The following PON2 variants were observed in gnomAD, a reference collection of about 807,000 sequenced individuals.
PON2 encodes the protein serum paraoxonase/arylesterase 2.
A neutral mutation model predicts 36.6 loss-of-function variants in PON2; 27 were observed. That is an observed-to-expected ratio of 0.74 (90% CI 0.54 to 1.02). The LOEUF (loss-of-function observed/expected upper bound fraction) is 1.02. PON2 is among the 50% of genes least tolerant of loss of function. The pLI is 0.00. For synonymous variants in PON2, 149 were observed against 156.3 expected (o/e 0.95, Z 0.35); for missense variants, 363 against 421.1 (o/e 0.86, Z 1.21).
At chr7:95,408,742 G>A (rs894373588) in intron 6 of PON2, among the ~76,000 whole-genome samples, 7 of 152,170 alleles carry the variant, frequency 4.6e-5, no homozygotes, top group African/African-American at 1.7e-4. Context: ...TCAGTGTGCT[G>A]AGGCAGTAGA....
chr7:95,434,870 C>T lies in PON2; in HGVS notation c.74+8G>A. 6.5e-7 allele frequency: 1 copy of T among 1,539,826 alleles called. No individual in the cohort carries two copies. The highest frequency in any genetic ancestry group is 8.7e-7 in the Non-Finnish European group (1 of 1,145,030). On this transcript the variant is annotated splice_region_variant and intron_variant, in intron 1 of 8. Transcript: ENST00000222572. ...CGCCGAGGAGGGGCGCGCGGGAGTCCCACCTACCTGAGTGCCAGAAGCCTC... is the reference window on the plus strand; with the variant it reads ...CGCCGAGGAGGGGCGCGCGGGAGTCTCACCTACCTGAGTGCCAGAAGCCTC...
intron 1 of PON2, among the ~76,000 whole-genome samples, chr7:95,425,808 AAAT>A (rs1330996690): frequency 9.2e-5 from 14 of 152,224 alleles, no homozygotes; most frequent in Non-Finnish European, 1.3e-4. Flanking sequence ...CATGTAACTC[AAAT>A]AATGTTAAAT....
intron 6 of PON2, chr7:95,409,503 A>G (rs1809807134): frequency 6.5e-6 from 1 of 153,500 alleles, no homozygotes; most frequent in South Asian, 2.1e-4. Flanking sequence ...AATAATGTAT[A>G]GCCAATAAAA....
Position 95,411,666 on chromosome 7 carries a change from C to T in PON2, c.481G>A (p.Glu161Lys). The T allele has an allele frequency of 6.2e-7, 1 of 1,613,898 alleles. No homozygotes were observed. Among genetic ancestry groups the T allele is most frequent in the Non-Finnish European group, 8.5e-7 (1 of 1,179,918 alleles). ...ATGAGGAAGTACCTTGGAAGAAGCT[C>T]ATGTTTGACTGTTTTCAGATGCAAC... ...SLLHLKTVKH[E>K]LLPSVNDITA... The change falls in exon 5 of 9, where the codon GAG becomes AAG. Residue 161 changes from glutamate to lysine, a missense_variant. Glu to Lys is a moderately conservative substitution (Grantham distance 56). Coordinates refer to ENST00000222572, the MANE Select transcript of PON2 (RefSeq NM_000305.3).
At chr7:95,413,678 A>C (rs1250832144) in intron 3 of PON2, among the ~76,000 whole-genome samples, 5 of 152,220 alleles carry the variant, frequency 3.3e-5, no homozygotes, top group African/African-American at 9.6e-5. Flanking sequence ...GGTGATGTTA[A>C]ATTTTATGTG....
intron 6 of PON2, 146 bp from the exon 7 acceptor site, chr7:95,407,214 T>C (rs937463984): frequency 3.6e-6 from 2 of 554,602 alleles, no homozygotes; most frequent in Non-Finnish European, 6.5e-6. Flanking sequence ...CAATTTTTAT[T>C]TAAAAAGTAA....
In PON2 at chr7:95,405,319, A is replaced by C; in HGVS notation, c.*11T>G. 1 of 1,612,392 alleles carries C rather than the reference A, an allele frequency of 6.2e-7. No homozygotes were observed. Among genetic ancestry groups the C allele is most frequent in the Non-Finnish European group, 8.5e-7 (1 of 1,178,548 alleles). On this transcript the variant is annotated 3_prime_UTR_variant, in exon 9 of 9. Coordinates refer to ENST00000222572, the MANE Select transcript of PON2 (RefSeq NM_000305.3). Reference sequence around the variant, plus strand: ...TGTTAAGTTATCGCACTTTCATGCCAAAAGTACAATTTAGAGTTCACAATA... The same window carrying C: ...TGTTAAGTTATCGCACTTTCATGCCCAAAGTACAATTTAGAGTTCACAATA...
rs775852001 is a variant in PON2, at chr7:95,409,910, G to A, written c.686C>T (p.Pro229Leu). 4.3e-6 allele frequency: 7 copies of A among 1,612,890 alleles called. No homozygotes were observed. The highest frequency in any genetic ancestry group is 5.9e-6 in the Non-Finnish European group (7 of 1,179,566). ...CTATAAGGGGCCATACTTATCATCA[G>A]GTGAAATATTGATCCCATTTGCTGA... The part of the protein sequence containing the change: ...FDSANGINIS[P>L]DDKYIYVADI... The change falls in exon 6 of 9, where the codon CCT becomes CTT. Residue 229 changes from proline to leucine, a missense_variant. Coordinates refer to ENST00000222572, the MANE Select transcript of PON2 (RefSeq NM_000305.3).
At chr7:95,433,687 G>A (rs1438231465) in intron 1 of PON2, among the ~76,000 whole-genome samples, 1 of 152,066 alleles carries the variant, frequency 6.6e-6, no homozygotes, top group Non-Finnish European at 1.5e-5. Flanking sequence ...CTGACTTTAT[G>A]CTCCCTTCAA....
intron 3 of PON2, 116 bp from the exon 4 acceptor site, chr7:95,412,593 C>A: frequency 5.9e-6 from 6 of 1,022,746 alleles, no homozygotes; most frequent in Admixed American, 2.3e-5. Flanking sequence ...GGCATAAAGC[C>A]ACAAAAACTC....
At chr7:95,422,017 T>C (rs1426059245) in intron 2 of PON2, among the ~76,000 whole-genome samples, 5 of 152,230 alleles carry the variant, frequency 3.3e-5, no homozygotes, top group African/African-American at 1.2e-4. Context: ...ACACATATTC[T>C]AAGGGAACAA....
chr7:95,416,099 T>G, intron 3 of PON2, 143 bp downstream of exon 3: 1 of 1,437,528 alleles, frequency 7.0e-7, no homozygotes, highest in Non-Finnish European at 9.4e-7. Context: ...CTGGAGGAAG[T>G]TTTCCAAGAT....
intron 5 of PON2, among the ~76,000 whole-genome samples, chr7:95,411,109 T>G (rs923904022): frequency 2.0e-5 from 3 of 152,180 alleles, no homozygotes; most frequent in Non-Finnish European, 2.9e-5. Context: ...CTTAGCCACA[T>G]TTTCAACCAG....
chr7:95,434,871 C>T lies in PON2; in HGVS notation c.74+7G>A. ...GCCGAGGAGGGGCGCGCGGGAGTCC[C>T]ACCTACCTGAGTGCCAGAAGCCTCT... On this transcript the variant is annotated splice_region_variant and intron_variant, in intron 1 of 8. Transcript: ENST00000222572. 1.9e-6 allele frequency: 3 copies of T among 1,540,044 alleles called. No individual in the cohort carries two copies. The highest frequency in any genetic ancestry group is 2.6e-6 in the Non-Finnish European group (3 of 1,145,080).
At chr7:95,412,259 T>G (rs1162715903) in intron 4 of PON2, 53 bp downstream of exon 4, 5 of 1,590,118 alleles carry the variant, frequency 3.1e-6, no homozygotes, top group Non-Finnish European at 4.3e-6. Flanking sequence ...TTTTTCACAG[T>G]CATTTGTGAA....
chr7:95,430,939 T>C (rs971985635), intron 1 of PON2, among the ~76,000 whole-genome samples: 1 of 148,032 alleles, frequency 6.8e-6, no homozygotes, highest in African/African-American at 2.5e-5. Context: ...CTTTCAGAAG[T>C]AGAAACAGAC....
Position 95,410,095 on chromosome 7 carries a change from A to C in PON2, c.501T>G (p.Asn167Lys). The C allele has an allele frequency of 6.2e-7, 1 of 1,613,058 alleles. No homozygotes were observed. The highest frequency in any genetic ancestry group is 8.5e-7 in the Non-Finnish European group (1 of 1,179,258). Residue 167 changes from asparagine to lysine, a missense_variant, in exon 6 of 9, where the codon AAT (asparagine) becomes AAG (lysine). Coordinates refer to ENST00000222572, the MANE Select transcript of PON2 (RefSeq NM_000305.3). ...TVKHELLPSV[N>K]DITAVGPAHF... is the part of the protein sequence containing the mutation. ...GTGCCGGTCCAACAGCTGTGATGTC[A>C]TTCACACTGAAAAAGAAAAATAGCA...
intron 6 of PON2, among the ~76,000 whole-genome samples, chr7:95,407,530 A>G (rs1378241898): frequency 3.3e-5 from 5 of 152,204 alleles, no homozygotes; most frequent in Non-Finnish European, 1.5e-5. Flanking sequence ...TTTAAGAGTA[A>G]GAGATAAGTA....
intron 6 of PON2, 36 bp from the exon 7 acceptor site, chr7:95,407,104 C>T: frequency 7.5e-7 from 1 of 1,330,564 alleles, no homozygotes; most frequent in South Asian, 1.2e-5. Context: ...GAGCTCCATG[C>T]CAATATAAAG....
Sources: allele counts gnomAD v4.1 joint callset (sites outside exome capture counted in the v4.1 genomes callset), GRCh38; gene constraint gnomAD v4.1.1; transcripts MANE v1.5; gene names NCBI Gene and HGNC (gene_info 2026-07-23, HGNC 2026-07-21).